GNA14: variants seen among roughly 807,000 people sequenced by gnomAD.
The protein encoded by GNA14 is guanine nucleotide-binding protein subunit alpha-14.
GNA14 carries 50 observed loss-of-function variants against 42.0 expected under a neutral mutation model. That is an observed-to-expected ratio of 1.19 (90% confidence interval 0.95 to 1.51). The LOEUF is 1.51. Among genes scored for constraint, GNA14 ranks in the 40% most tolerant of loss-of-function variants. The pLI is 0.00. For missense variants in GNA14, 473 were observed against 446.2 expected (o/e 1.06, Z -0.54); for synonymous variants, 173 against 163.1 (o/e 1.06, Z -0.46).
chr9:77,446,394 T>C (rs1587765603), intron 2 of GNA14, among the ~76,000 whole-genome samples: 1 of 152,210 alleles, frequency 6.6e-6, no homozygotes, highest in Non-Finnish European at 1.5e-5. Flanking sequence ...ATTTTCCCAC[T>C]AAGCCAGGAT....
chr9:77,518,168 G>T (rs1403565352), intron 2 of GNA14: 2 of 152,042 alleles, frequency 1.3e-5, no homozygotes, highest in Non-Finnish European at 2.9e-5. Flanking sequence ...TGGAGGAAGG[G>T]AATAAAAACA....
intron 1 of GNA14, among the ~76,000 whole-genome samples, chr9:77,639,227 T>C (rs1039907904): frequency 2.2e-4 from 34 of 152,194 alleles, no homozygotes; most frequent in Admixed American, 1.3e-4. Flanking sequence ...CCCCTTTCCC[T>C]ATGGTAGAAA....
At chr9:77,434,559 G>A in intron 2 of GNA14, 37 bp from the exon 3 acceptor site, 1 of 1,584,870 alleles carries the variant, frequency 6.3e-7, no homozygotes, top group Non-Finnish European at 8.6e-7. Context: ...TCAGGCAAAG[G>A]AAAGGAAGCC....
At chr9:77,425,520 G>A (rs779910527) in intron 6 of GNA14, 42 bp downstream of exon 6, 20 of 1,495,308 alleles carry the variant, frequency 1.3e-5, no homozygotes, top group Middle Eastern at 1.8e-4. Flanking sequence ...GGAGGTGGAC[G>A]AGATCAGCAC....
At chr9:77,631,873 A>T (rs1040187384) in intron 1 of GNA14, among the ~76,000 whole-genome samples, 1 of 152,146 alleles carries the variant, frequency 6.6e-6, no homozygotes, top group Non-Finnish European at 1.5e-5. Context: ...TGCATGTTCC[A>T]TGGAGCTGGT....
At chr9:77,622,647 G>T (rs999399409) in intron 1 of GNA14, among the ~76,000 whole-genome samples, 1 of 151,590 alleles carries the variant, frequency 6.6e-6, no homozygotes, top group Non-Finnish European at 1.5e-5. Flanking sequence ...AGCACTTTGG[G>T]AGGCTGAGGC....
At chr9:77,591,309 G>A (rs1182756973) in intron 1 of GNA14, among the ~76,000 whole-genome samples, 1 of 152,164 alleles carries the variant, frequency 6.6e-6, no homozygotes, top group African/African-American at 2.4e-5. Context: ...TGAGTTGAAG[G>A]CTCCATCCTT....
At chr9:77,536,879 A>G (rs911572364) in intron 1 of GNA14, among the ~76,000 whole-genome samples, 1 of 152,206 alleles carries the variant, frequency 6.6e-6, no homozygotes, top group African/African-American at 2.4e-5. Context: ...TATTTTTCTA[A>G]TTTGAGATAT....
At chr9:77,469,383 A>G (rs1298933445) in intron 2 of GNA14, among the ~76,000 whole-genome samples, 1 of 151,604 alleles carries the variant, frequency 6.6e-6, no homozygotes, top group African/African-American at 2.4e-5. Context: ...AAAAAAAAAA[A>G]AAAAAGAACT....
At chr9:77,606,926 A>G (rs898408125) in intron 1 of GNA14, among the ~76,000 whole-genome samples, 1 of 152,188 alleles carries the variant, frequency 6.6e-6, no homozygotes, top group Non-Finnish European at 1.5e-5. Context: ...AAGAGACACC[A>G]GAATTTCTCT....
intron 2 of GNA14, among the ~76,000 whole-genome samples, chr9:77,503,914 T>A (rs1163282534): frequency 6.6e-6 from 1 of 152,126 alleles, no homozygotes; most frequent in Non-Finnish European, 1.5e-5. Context: ...ACTCCTGACC[T>A]CAAGTGATCC....
intron 1 of GNA14, among the ~76,000 whole-genome samples, chr9:77,571,662 T>C (rs2131796606): frequency 6.6e-6 from 1 of 151,426 alleles, no homozygotes; most frequent in South Asian, 2.1e-4. Context: ...TAGCCAAGCT[T>C]GGTGGCATAT....
chr9:77,466,954 C>G (rs1259075900), intron 2 of GNA14, among the ~76,000 whole-genome samples: 2 of 151,488 alleles, frequency 1.3e-5, no homozygotes, highest in African/African-American at 4.9e-5. Flanking sequence ...AAAGGTTGTG[C>G]TTAAGCCCTC....
At chr9:77,515,960 C>CAAAAAAAAAAAAAAAAAAAAAAA (rs1158448237) in intron 2 of GNA14, among the ~76,000 whole-genome samples, 4 of 52,736 alleles carry the variant, frequency 7.6e-5, no homozygotes, top group Non-Finnish European at 1.4e-4. Context: ...CCCTGTCTCA[C>CAAAAAAAAAAAAAAAAAAAAAAA]AAAAAAAAAA....
intron 1 of GNA14, among the ~76,000 whole-genome samples, chr9:77,536,655 A>C (rs138316816): frequency 6.6e-6 from 1 of 152,190 alleles, no homozygotes; most frequent in Non-Finnish European, 1.5e-5. Context: ...CTGCCTTATT[A>C]GTCTCTTGAT....
chr9:77,513,945 C>T (rs1332524380), intron 2 of GNA14, among the ~76,000 whole-genome samples: 2 of 145,938 alleles, frequency 1.4e-5, no homozygotes, highest in Non-Finnish European at 3.0e-5. Flanking sequence ...AGCCATTGTT[C>T]CCTTCAGCAC....
intron 1 of GNA14, among the ~76,000 whole-genome samples, chr9:77,546,215 CAAAA>C (rs764378681): frequency 2.3e-5 from 1 of 42,912 alleles, no homozygotes; most frequent in Non-Finnish European, 5.3e-5. Context: ...AGCTCCATCT[CAAAA>C]AAAAAAAAAA....
intron 2 of GNA14, among the ~76,000 whole-genome samples, chr9:77,468,844 G>T (rs1836279970): frequency 6.6e-6 from 1 of 152,236 alleles, no homozygotes; most frequent in Non-Finnish European, 1.5e-5. Context: ...GCGTGAGCAA[G>T]AAATAAATCT....
At chr9:77,623,836 G>T (rs143271908) in intron 1 of GNA14, among the ~76,000 whole-genome samples, 1 of 152,154 alleles carries the variant, frequency 6.6e-6, no homozygotes, top group East Asian at 1.9e-4. Flanking sequence ...CACAAAACTG[G>T]GCTGCTGTTT....
Sources: allele counts gnomAD v4.1 joint callset (sites outside exome capture counted in the v4.1 genomes callset), GRCh38; gene constraint gnomAD v4.1.1; transcripts MANE v1.5; gene names NCBI Gene and HGNC (gene_info 2026-07-23, HGNC 2026-07-21).